The following TMEFF1 variants were observed in gnomAD, a reference collection of about 807,000 sequenced individuals.
TMEFF1 encodes transmembrane protein with EGF like and two follistatin like domains 1.
In TMEFF1, 20 loss-of-function variants were observed where a neutral mutation model predicts 47.5. That is an observed-to-expected ratio of 0.42 (90% CI 0.30 to 0.61). TMEFF1 has a LOEUF of 0.61. Ranked by LOEUF, TMEFF1 falls within the 20% of genes least tolerant of loss-of-function variation. The pLI is 0.19. For missense variants in TMEFF1, 411 were observed against 471.1 expected (o/e 0.87, Z 1.18); for synonymous variants, 162 against 166.3 (o/e 0.97, Z 0.20).
intron 1 of TMEFF1, among the ~76,000 whole-genome samples, chr9:100,474,291 T>G (rs1414838797): frequency 6.6e-6 from 1 of 151,586 alleles, no homozygotes; most frequent in African/African-American, 2.4e-5. Flanking sequence ...ACGGGTTGTC[T>G]TGAGGACGCG....
chr9:100,501,738 G>C (rs1053849539), intron 2 of TMEFF1, among the ~76,000 whole-genome samples: 4 of 152,014 alleles, frequency 2.6e-5, no homozygotes, highest in African/African-American at 7.3e-5. Context: ...TCCGCCTCCC[G>C]GGTTCAAATG....
At chr9:100,531,243 TAGGC>T (rs1397793535) in intron 5 of TMEFF1, among the ~76,000 whole-genome samples, 1 of 152,020 alleles carries the variant, frequency 6.6e-6, no homozygotes, top group Non-Finnish European at 1.5e-5. Flanking sequence ...CCAGGGCAAT[TAGGC>T]AGGAGAAGAA....
chr9:100,532,048 C>G (rs1271499835), intron 5 of TMEFF1, among the ~76,000 whole-genome samples: 1 of 151,738 alleles, frequency 6.6e-6, no homozygotes, highest in East Asian at 1.9e-4. Flanking sequence ...ATGTAGAAAG[C>G]TGAAACTGGA....
intron 5 of TMEFF1, among the ~76,000 whole-genome samples, chr9:100,523,156 A>G (rs1171950195): frequency 6.6e-6 from 1 of 152,148 alleles, no homozygotes; most frequent in East Asian, 1.9e-4. Flanking sequence ...TTATTATTGA[A>G]CACTTTCTTA....
intron 8 of TMEFF1, among the ~76,000 whole-genome samples, chr9:100,571,452 AAG>A (rs1190343726): frequency 6.6e-6 from 1 of 152,170 alleles, no homozygotes; most frequent in Non-Finnish European, 1.5e-5. Flanking sequence ...AAAAAATGCT[AAG>A]AGAGTAGATT....
intron 2 of TMEFF1, among the ~76,000 whole-genome samples, chr9:100,504,292 A>G (rs1428141627): frequency 1.3e-5 from 2 of 152,202 alleles, no homozygotes; most frequent in Non-Finnish European, 2.9e-5. Context: ...GGAGAGACCC[A>G]TGGAAACTGA....
intron 1 of TMEFF1, among the ~76,000 whole-genome samples, chr9:100,496,850 G>A (rs1837659465): frequency 6.6e-6 from 1 of 152,200 alleles, no homozygotes; most frequent in South Asian, 2.1e-4. Flanking sequence ...TAAGCCTACA[G>A]AGAAAGGAGA....
intron 1 of TMEFF1, among the ~76,000 whole-genome samples, chr9:100,495,035 A>T (rs1837625722): frequency 6.6e-6 from 1 of 152,144 alleles, no homozygotes; most frequent in Non-Finnish European, 1.5e-5. Context: ...TAAAAATGAG[A>T]AGTTTTTTTT....
rs35624603 is a variant in TMEFF1 at position 100,547,748 on chromosome 9, G to A, written c.565G>A (p.Val189Ile). The A allele has an allele frequency of 3.2e-6, 5 of 1,556,276 alleles. No homozygotes were observed. The African/African-American group carries it at 5.5e-5, about 17-fold the overall frequency. The change falls in exon 6 of 10, where the codon GTA (valine) becomes ATA (isoleucine). Residue 189 changes from valine to isoleucine, a missense_variant. Physicochemically the swap from Val to Ile is conservative, Grantham distance 29 (BLOSUM62 3). Coordinates refer to ENST00000374879, the MANE Select transcript of TMEFF1 (RefSeq NM_003692.5). Reference protein sequence around the residue: ...CDEDAENVGCVCNIDCSGYSF... With the variant: ...CDEDAENVGCICNIDCSGYSF... The stretch of plus-strand genomic sequence containing the variant: ...AATTTTTGTCTTTTCCAACAGGTGT[G>A]TATGTAATATAGATTGCAGTGGATA...
intron 7 of TMEFF1, among the ~76,000 whole-genome samples, chr9:100,557,020 T>C (rs1396057702): frequency 6.6e-6 from 1 of 151,244 alleles, no homozygotes; most frequent in Non-Finnish European, 1.5e-5. Context: ...TAATGGATTA[T>C]GTACTAACCT....
At chr9:100,543,653 G>T (rs924700318) in intron 5 of TMEFF1, among the ~76,000 whole-genome samples, 1 of 150,380 alleles carries the variant, frequency 6.6e-6, no homozygotes, top group Non-Finnish European at 1.5e-5. Flanking sequence ...AAGAATAATT[G>T]TCTTGGGCTG....
At chr9:100,553,276 T>C (rs1195078534) in intron 7 of TMEFF1, among the ~76,000 whole-genome samples, 1 of 152,206 alleles carries the variant, frequency 6.6e-6, no homozygotes, top group Admixed American at 6.5e-5. Flanking sequence ...ACTCTATTTT[T>C]ATTGTGTTTA....
At chr9:100,522,836 G>A (rs1376679163) in intron 5 of TMEFF1, among the ~76,000 whole-genome samples, 2 of 152,026 alleles carry the variant, frequency 1.3e-5, no homozygotes, top group Non-Finnish European at 2.9e-5. Flanking sequence ...TGGGGTTCAC[G>A]CCATTCTCCT....
intron 5 of TMEFF1, among the ~76,000 whole-genome samples, chr9:100,543,934 A>G (rs1445173001): frequency 6.6e-6 from 1 of 152,134 alleles, no homozygotes; most frequent in Non-Finnish European, 1.5e-5. Context: ...AAACTTAATT[A>G]CAGCCCTGTG....
intron 8 of TMEFF1, among the ~76,000 whole-genome samples, chr9:100,570,187 A>T (rs1409062522): frequency 6.6e-6 from 1 of 152,086 alleles, no homozygotes; most frequent in Non-Finnish European, 1.5e-5. Flanking sequence ...TTGTTAATGG[A>T]CACTTAGATT....
intron 7 of TMEFF1, among the ~76,000 whole-genome samples, chr9:100,556,876 C>T (rs756794190): frequency 4.6e-5 from 7 of 151,980 alleles, no homozygotes; most frequent in African/African-American, 7.3e-5. Context: ...GACACAGTCT[C>T]GCTCTGTCAC....
At chr9:100,559,980 C>G (rs1429273061) in intron 7 of TMEFF1, among the ~76,000 whole-genome samples, 1 of 151,930 alleles carries the variant, frequency 6.6e-6, no homozygotes, top group East Asian at 1.9e-4. Flanking sequence ...AAATTTTGAT[C>G]CTCAGAAAAT....
intron 5 of TMEFF1, among the ~76,000 whole-genome samples, chr9:100,538,801 T>TA (rs1838567682): frequency 6.6e-6 from 1 of 152,260 alleles, no homozygotes; most frequent in Non-Finnish European, 1.5e-5. Context: ...CACATTCTTT[T>TA]ACAGTCCATT....
At chr9:100,496,136 C>T (rs2118306538) in intron 1 of TMEFF1, among the ~76,000 whole-genome samples, 1 of 152,330 alleles carries the variant, frequency 6.6e-6, no homozygotes, top group South Asian at 2.1e-4. Context: ...TTTGTTGTAG[C>T]TCCTCTGTCT....
Sources: gnomAD v4.1 joint callset for allele counts (sites outside exome capture counted in the v4.1 genomes callset) on GRCh38, gnomAD v4.1.1 for gene constraint, MANE v1.5 for transcripts, NCBI Gene and HGNC (gene_info 2026-07-23, HGNC 2026-07-21) for gene names.